The following ANKAR variants were observed in gnomAD, a reference collection of about 807,000 sequenced individuals.
ANKAR encodes the protein ankyrin and armadillo repeat containing, also known as ankyrin and armadillo repeat-containing protein.
In ANKAR, 136 loss-of-function variants were observed where a neutral mutation model predicts 146.2. The ratio of observed to expected loss-of-function variants is 0.93; its 90% CI spans 0.81 to 1.07. The LOEUF is 1.07. ANKAR is among the 50% of genes least tolerant of loss of function. ANKAR has a pLI of 0.00. For synonymous variants in ANKAR, 500 were observed against 575.8 expected (o/e 0.87, Z 1.88); for missense variants, 1,567 against 1,679.9 (o/e 0.93, Z 1.18).
chr2:189,700,285 G>T (rs763420006), intron 7 of ANKAR, among the ~76,000 whole-genome samples: 2 of 152,004 alleles, frequency 1.3e-5, no homozygotes, highest in Non-Finnish European at 2.9e-5. Context: ...ATTTTCCTCC[G>T]CACACTTCCT....
chr2:189,753,505 T>A (rs934318828), intron 18 of ANKAR, among the ~76,000 whole-genome samples: 7 of 152,244 alleles, frequency 4.6e-5, no homozygotes, highest in African/African-American at 1.7e-4. Context: ...TTATCAACAT[T>A]AGTGTCACGA....
chr2:189,699,517 G>A (rs1051609195), intron 7 of ANKAR, among the ~76,000 whole-genome samples: 2 of 152,046 alleles, frequency 1.3e-5, no homozygotes, highest in Non-Finnish European at 2.9e-5. Flanking sequence ...ATATTCCTAA[G>A]TCTTCCCACC....
In ANKAR at chr2:189,689,865, G is replaced by T. The variant is rs977662505; in HGVS notation, c.940G>T (p.Gly314Ter). The part of the protein sequence containing the change: ...EKKKDIRRGI[G>*]YLKLICFLIP... ...GAAAAAAGATATCAGAAGAGGGATA[G>T]GATACCTAAAGTTAATATGTTTTCT... The change falls in exon 3 of 23, where the codon GGA (glycine) becomes TGA (stop). Residue 314 changes from glycine to a stop codon, truncating the protein, a stop_gained. Transcript: ENST00000684021. LOFTEE classifies it high-confidence loss of function. The T allele has an allele frequency of 1.9e-6, 3 of 1,593,188 alleles. No homozygotes were observed. Among genetic ancestry groups the T allele is most frequent in the Non-Finnish European group, 2.6e-6 (3 of 1,172,362 alleles).
At chr2:189,706,610 T>C (rs1245941345) in intron 8 of ANKAR, among the ~76,000 whole-genome samples, 1 of 152,218 alleles carries the variant, frequency 6.6e-6, no homozygotes, top group Non-Finnish European at 1.5e-5. Context: ...AAATGGCTGA[T>C]GATATTTGCC....
chr2:189,697,212 G>A (rs1466668461), intron 7 of ANKAR, among the ~76,000 whole-genome samples: 1 of 150,748 alleles, frequency 6.6e-6, no homozygotes, highest in African/African-American at 2.4e-5. Context: ...GCAGCATAAC[G>A]AGACCCCCTG....
Position 189,720,708 on chromosome 2 carries a change from A to G in ANKAR, c.2556A>G (p.Ile852Met). The G allele has an allele frequency of 6.6e-7, 1 of 1,516,736 alleles. No individual in the cohort carries two copies. The highest frequency in any genetic ancestry group is 8.8e-7 in the Non-Finnish European group (1 of 1,136,092). 94.0% of individuals were successfully genotyped at this position (1,516,736 alleles called of 1,614,324 possible). Residue 852 changes from isoleucine to methionine, a missense_variant, in exon 12 of 23, where the codon ATA (isoleucine) becomes ATG (methionine). Coordinates refer to ENST00000684021, the MANE Select transcript of ANKAR (RefSeq NM_001378068.1). Reference sequence around the variant, plus strand: ...TGAACTGTATACGGGTATTGTGTATAGGAAATGAAAACAATCAAAGAGCTG... The same window carrying G: ...TGAACTGTATACGGGTATTGTGTATGGGAAATGAAAACAATCAAAGAGCTG... ...NVMNCIRVLC[I>M]GNENNQRAVR...
intron 17 of ANKAR, among the ~76,000 whole-genome samples, chr2:189,733,742 C>T (rs77512821): frequency 0.03 from 4,550 of 152,208 alleles, 105 homozygotes; most frequent in Non-Finnish European, 0.047. Flanking sequence ...ATACTATTAA[C>T]TAATTTGCAC....
chr2:189,742,888 ACAC>A (rs1414250906), intron 20 of ANKAR, among the ~76,000 whole-genome samples: 31 of 127,872 alleles, frequency 2.4e-4, no homozygotes, highest in South Asian at 5.6e-4. Context: ...ACACACACAC[ACAC>A]ACTAGAATTA....
chr2:189,737,477 G>A (rs1181061557), intron 17 of ANKAR, among the ~76,000 whole-genome samples: 1 of 151,966 alleles, frequency 6.6e-6, no homozygotes, highest in African/African-American at 2.4e-5. Flanking sequence ...TATATACAAG[G>A]GTAGTTTTGA....
chr2:189,717,752 C>T (rs2040679864), intron 10 of ANKAR, among the ~76,000 whole-genome samples: 1 of 152,200 alleles, frequency 6.6e-6, no homozygotes, highest in South Asian at 2.1e-4. Flanking sequence ...GAATACTATG[C>T]AGCCATAAAA....
In ANKAR at chr2:189,719,653, T is replaced by C. The variant is rs778435164; in HGVS notation, c.2306T>C (p.Ile769Thr). The C allele has an allele frequency of 2.5e-6, 4 of 1,614,116 alleles. No individual in the cohort carries two copies. The highest frequency in any genetic ancestry group is 2.7e-5 in the African/African-American group (2 of 75,032). ...AAAACTGTTGGGTTATTGAGTAATA[T>C]CTCAACCCACAAAAGTGCAGTGCAT... is the stretch of plus-strand genomic sequence containing the variant. Reference protein sequence around the residue: ...QCKTVGLLSNISTHKSAVHAL... With the variant: ...QCKTVGLLSNTSTHKSAVHAL... The change falls in exon 11 of 23, where the codon ATC becomes ACC. Residue 769 changes from isoleucine (I) to threonine (T), a missense_variant. Ile to Thr is a moderately conservative substitution (Grantham distance 89). Coordinates refer to ENST00000684021, the MANE Select transcript of ANKAR (RefSeq NM_001378068.1).
chr2:189,678,700 A>G (rs114675278), intron 2 of ANKAR, among the ~76,000 whole-genome samples: 2,846 of 152,060 alleles, frequency 0.019, 88 homozygotes, highest in African/African-American at 0.064. Context: ...CCCACTTTAC[A>G]TTTGTGTTTG....
At chr2:189,733,902 T>G (rs1405403821) in intron 17 of ANKAR, among the ~76,000 whole-genome samples, 1 of 152,210 alleles carries the variant, frequency 6.6e-6, no homozygotes, top group African/African-American at 2.4e-5. Context: ...TCTTGTCTCT[T>G]TAGCCTCCAG....
chr2:189,703,727 A>G (rs1039376949), intron 7 of ANKAR, among the ~76,000 whole-genome samples: 1 of 152,242 alleles, frequency 6.6e-6, no homozygotes, highest in Non-Finnish European at 1.5e-5. Context: ...GAAGGTTCCA[A>G]AGGAGACTGC....
Position 189,728,817 on chromosome 2 carries a change from T to C in ANKAR, c.3189T>C (p.Cys1063=). 5.0e-6 allele frequency: 8 copies of C among 1,611,838 alleles called. No individual in the cohort carries two copies. Among genetic ancestry groups the C allele is most frequent in the Non-Finnish European group, 6.8e-6 (8 of 1,178,772 alleles). The change falls in exon 15 of 23, where the codon TGT becomes TGC. Residue 1063 remains cysteine, a synonymous_variant. Coordinates refer to ENST00000684021, the MANE Select transcript of ANKAR (RefSeq NM_001378068.1). ...TCATCAGAGCAGTGGGATCCATTTG[T>C]ATTGGTTTGTATACTTATTCTCAAT... ...LSVIRAVGSI[C]IGVAHTSNPV...
intron 7 of ANKAR, among the ~76,000 whole-genome samples, chr2:189,701,844 G>C (rs1296958072): frequency 6.6e-6 from 1 of 152,044 alleles, no homozygotes; most frequent in African/African-American, 2.4e-5. Flanking sequence ...TGTGTTTTTT[G>C]CTTTTTAAAT....
At chr2:189,703,400 A>G (rs1283388291) in intron 7 of ANKAR, among the ~76,000 whole-genome samples, 1 of 152,068 alleles carries the variant, frequency 6.6e-6, no homozygotes, top group Non-Finnish European at 1.5e-5. Flanking sequence ...AATAAGAGGG[A>G]GGTGCCAAAG....
rs183213536 is a variant in ANKAR, at chr2:189,702,921, C to T, written c.1709-2102C>T. Among the ~76,000 whole-genome samples the T allele has an allele frequency of 3.3e-5, 5 of 152,182 alleles. No individual in the cohort carries two copies. In the East Asian group the frequency reaches 5.8e-4, roughly 18 times the overall value. ...GAAGGTGTCAGAGAGCAGGAATAGTCCAGGGTGGACAGATAATTCATCATT... is the reference window on the plus strand; with the variant it reads ...GAAGGTGTCAGAGAGCAGGAATAGTTCAGGGTGGACAGATAATTCATCATT... On this transcript the variant is annotated intron_variant, in intron 7 of 22. Transcript: ENST00000684021.
At chr2:189,710,951 A>G in intron 9 of ANKAR, 98 bp from the exon 10 acceptor site, 1 of 967,802 alleles carries the variant, frequency 1.0e-6, no homozygotes, top group South Asian at 1.5e-5. Context: ...GGTGACCTCA[A>G]CTGTTGGTTT....
Sources: gnomAD v4.1 joint callset for allele counts (sites outside exome capture counted in the v4.1 genomes callset) on GRCh38, gnomAD v4.1.1 for gene constraint, MANE v1.5 for transcripts, NCBI Gene and HGNC (gene_info 2026-07-23, HGNC 2026-07-21) for gene names.